Variants in PCDHGA1 observed in about 807,000 individuals in gnomAD.
The protein encoded by PCDHGA1 is protocadherin gamma-A1.
In PCDHGA1, 32 loss-of-function variants were observed where a neutral mutation model predicts 58.0. The ratio of observed to expected loss-of-function variants is 0.55; its 90% CI spans 0.42 to 0.74. PCDHGA1 has a LOEUF of 0.74. Among genes scored for constraint, PCDHGA1 ranks in the 30% least tolerant of loss-of-function variants. The pLI, the probability that PCDHGA1 is intolerant of heterozygous loss-of-function variation, is 0.00. For synonymous variants in PCDHGA1, 498 were observed against 501.1 expected, an observed-to-expected ratio of 0.99 and a Z score of 0.08; for missense variants, 1,205 against 1,182.3, an observed-to-expected ratio of 1.02 and a Z score of -0.28.
intron 1 of PCDHGA1, chr5:141,394,371 T>G: frequency 6.2e-7 from 1 of 1,614,174 alleles, no homozygotes; most frequent in Non-Finnish European, 8.5e-7. Context: ...GCTGCAATCT[T>G]TCGACTATGA....
intron 1 of PCDHGA1, chr5:141,383,629 C>G: frequency 6.2e-7 from 1 of 1,613,960 alleles, no homozygotes; most frequent in Non-Finnish European, 8.5e-7. Context: ...TGTCTTCTCT[C>G]TGCCTCAGTA....
chr5:141,360,478 A>C, intron 1 of PCDHGA1: 1 of 1,613,910 alleles, frequency 6.2e-7, no homozygotes, highest in Non-Finnish European at 8.5e-7. Context: ...AAATCCACTA[A>C]ATATTTTCTA....
At chr5:141,345,378 C>G in intron 1 of PCDHGA1, 4 of 1,614,072 alleles carry the variant, frequency 2.5e-6, no homozygotes, top group Non-Finnish European at 3.4e-6. Flanking sequence ...CAATGACAAC[C>G]CACCCACCTT....
At chr5:141,388,612 G>T in intron 1 of PCDHGA1, 1 of 1,613,954 alleles carries the variant, frequency 6.2e-7, no homozygotes, top group Non-Finnish European at 8.5e-7. Flanking sequence ...CCAGTGTTCA[G>T]TCAAGACGTA....
chr5:141,373,373 C>T (rs1171696467), intron 1 of PCDHGA1, among the ~76,000 whole-genome samples: 1 of 152,142 alleles, frequency 6.6e-6, no homozygotes, highest in East Asian at 1.9e-4. Flanking sequence ...TGAATTGGTT[C>T]AAAATGTGTT....
At chr5:141,359,517 G>A (rs1030061607) in intron 1 of PCDHGA1, among the ~76,000 whole-genome samples, 1 of 149,356 alleles carries the variant, frequency 6.7e-6, no homozygotes, top group Non-Finnish European at 1.5e-5. Flanking sequence ...TATATTATGG[G>A]CCACTAGATA....
At chr5:141,429,387 T>TTA (rs775632416) in intron 1 of PCDHGA1, among the ~76,000 whole-genome samples, 40 of 151,448 alleles carry the variant, frequency 2.6e-4, no homozygotes, top group African/African-American at 7.0e-4. Context: ...GTTTTTTTTT[T>TTA]AAAAAAAATT....
At chr5:141,377,549 T>G (rs962793950) in intron 1 of PCDHGA1, 3 of 152,038 alleles carry the variant, frequency 2.0e-5, no homozygotes, top group African/African-American at 7.2e-5. Context: ...TGAGATATAA[T>G]TGTGTCACTG....
intron 1 of PCDHGA1, chr5:141,364,354 G>A (rs1256054518): frequency 6.4e-7 from 1 of 1,554,444 alleles, no homozygotes; most frequent in Admixed American, 2.0e-5. Flanking sequence ...CTAGGGGCTG[G>A]GGCTGCGGAG....
chr5:141,464,093 C>T (rs1029458289), intron 1 of PCDHGA1, among the ~76,000 whole-genome samples: 1 of 151,888 alleles, frequency 6.6e-6, no homozygotes, highest in Non-Finnish European at 1.5e-5. Context: ...GGTGAAACTC[C>T]GTCTCTACTA....
intron 1 of PCDHGA1, among the ~76,000 whole-genome samples, chr5:141,484,627 A>G (rs866882607): frequency 5.3e-5 from 8 of 152,162 alleles, no homozygotes; most frequent in Middle Eastern, 3.4e-3. Flanking sequence ...TGGCTTGAAC[A>G]AAGTGACCAC....
At chr5:141,355,926 C>T (rs1394652053) in intron 1 of PCDHGA1, 5 of 1,613,758 alleles carry the variant, frequency 3.1e-6, no homozygotes, top group Admixed American at 1.7e-5. Context: ...CTCCCGTGTT[C>T]ACTCAGCCCG....
At chr5:141,385,006 G>A (rs762264055) in intron 1 of PCDHGA1, 10 of 1,613,972 alleles carry the variant, frequency 6.2e-6, no homozygotes, top group East Asian at 2.2e-5. Context: ...AGTCTCCTGC[G>A]TCTTCCTAGC....
chr5:141,455,254 G>T (rs936599726), intron 1 of PCDHGA1, among the ~76,000 whole-genome samples: 3 of 151,732 alleles, frequency 2.0e-5, no homozygotes, highest in African/African-American at 7.3e-5. Context: ...TAGTACAATC[G>T]CATTTCTTCC....
chr5:141,480,380 A>C (rs1192159457), intron 1 of PCDHGA1, among the ~76,000 whole-genome samples: 3 of 151,970 alleles, frequency 2.0e-5, no homozygotes, highest in African/African-American at 4.8e-5. Context: ...GCACCACTAC[A>C]CTTCAACCAT....
chr5:141,334,908 C>CAA lies in PCDHGA1; in HGVS notation c.2421+1805_2421+1806dup, dbSNP rs1756540087. On this transcript the variant is annotated intron_variant, in intron 1 of 3. Transcript: ENST00000517417. The surrounding 1 kb of genome is among the most constrained non-coding windows in gnomAD (Gnocchi z 4.6). ...GGATATAGTGTAGAAGAGAAAAAAA[C>CAA]AAACTAAAACTAAAAACAAACAGAG... Among the ~76,000 whole-genome samples the CAA allele has an allele frequency of 6.6e-6, 1 of 152,062 alleles. No homozygotes were observed. The highest frequency in any genetic ancestry group is 1.5e-5 in the Non-Finnish European group (1 of 67,986).
chr5:141,477,171 TCA>T lies in PCDHGA1; in HGVS notation c.2422-17633_2422-17632del, dbSNP rs772104411. On this transcript the variant is annotated intron_variant, in intron 1 of 3. Transcript: ENST00000517417. This position sits in a 1 kb window ranked among gnomAD's most constrained non-coding sequence, Gnocchi z 4.9. ...GATGTGAATGACAACGCCCCGGAGA[TCA>T]CAGTCACCTCCGTGTACAGCCCAGT... 6.2e-7 allele frequency: 1 copy of T among 1,614,072 alleles called. No individual in the cohort carries two copies. Among genetic ancestry groups the T allele is most frequent in the Non-Finnish European group, 8.5e-7 (1 of 1,179,988 alleles).
Position 141,510,960 on chromosome 5 carries a change from G to T in PCDHGA1, c.2583G>T (p.Gly861=). The T allele has an allele frequency of 6.2e-7, 1 of 1,614,120 alleles. No individual in the cohort carries two copies. The highest frequency in any genetic ancestry group is 1.3e-5 in the African/African-American group (1 of 75,022). ...ILASASEAAD[G]SSTLGGGAGT... is the part of the protein sequence containing the mutation. ...CTGTCTCTGCAGAAGCTGCTGATGG[G>T]AGCTCCACCCTGGGAGGGGGTGCCG... Residue 861 remains glycine, a synonymous_variant, in exon 4 of 4, where the codon GGG becomes GGT. Transcript: ENST00000517417.
chr5:141,356,694 T>C (rs753819389), intron 1 of PCDHGA1: 2 of 1,613,982 alleles, frequency 1.2e-6, no homozygotes, highest in South Asian at 2.2e-5. Flanking sequence ...CCTTCCAGGG[T>C]GCACCTCTGT....
Sources: gnomAD v4.1 joint callset for allele counts (sites outside exome capture counted in the v4.1 genomes callset) on GRCh38, gnomAD v4.1.1 for gene constraint, Gnocchi (gnomAD v3.1) non-coding constraint, MANE v1.5 for transcripts, NCBI Gene and HGNC (gene_info 2026-07-23, HGNC 2026-07-21) for gene names.